The following POLD3 variants were observed in gnomAD, a reference collection of about 807,000 sequenced individuals.
POLD3 encodes DNA polymerase delta subunit 3.
In POLD3, 19 loss-of-function variants were observed where a neutral mutation model predicts 58.2. The observed-to-expected ratio is 0.33, with a 90% CI of 0.23 to 0.48. The LOEUF (loss-of-function observed/expected upper bound fraction) is 0.48, where lower values mean the gene tolerates loss of function less well. POLD3 is among the 20% of genes least tolerant of loss of function. POLD3 has a pLI of 0.99. For missense variants in POLD3, 504 were observed against 545.5 expected, an observed-to-expected ratio of 0.92 and a Z score of 0.76; for synonymous variants, 172 against 193.5, an observed-to-expected ratio of 0.89 and a Z score of 0.92.
intron 1 of POLD3, among the ~76,000 whole-genome samples, chr11:74,593,269 A>G (rs906168580): frequency 6.6e-5 from 10 of 152,178 alleles, no homozygotes; most frequent in African/African-American, 2.4e-4. Context: ...AGGCACTTTA[A>G]TCTTTACAGT....
chr11:74,654,241 AGT>A (rs2033104172), intron 4 of POLD3, among the ~76,000 whole-genome samples: 1 of 152,236 alleles, frequency 6.6e-6, no homozygotes, highest in Non-Finnish European at 1.5e-5. Context: ...GGTTAAAAGT[AGT>A]AGGACAGAAA....
At chr11:74,664,163 CAA>C (rs1269364263) in intron 4 of POLD3, among the ~76,000 whole-genome samples, 1 of 152,136 alleles carries the variant, frequency 6.6e-6, no homozygotes, top group African/African-American at 2.4e-5. Flanking sequence ...AGAATGTAAG[CAA>C]AAGTCTCATA....
intron 10 of POLD3, among the ~76,000 whole-genome samples, chr11:74,635,887 T>A (rs1007471931): frequency 7.2e-5 from 11 of 152,232 alleles, no homozygotes; most frequent in Non-Finnish European, 1.5e-5. Flanking sequence ...GTCCTTATCC[T>A]ATATGTCTTT....
chr11:74,664,756 A>G (rs1287176891), intron 4 of POLD3, among the ~76,000 whole-genome samples: 1 of 152,242 alleles, frequency 6.6e-6, no homozygotes. Flanking sequence ...AATTAATATA[A>G]TAAACCTTAT....
intron 4 of POLD3, among the ~76,000 whole-genome samples, chr11:74,664,535 T>G (rs2135201857): frequency 6.6e-6 from 1 of 152,224 alleles, no homozygotes; most frequent in East Asian, 1.9e-4. Flanking sequence ...ATTTCCCAAC[T>G]TACTCTATGA....
At chr11:74,649,083 G>C (rs558066009) in intron 4 of POLD3, among the ~76,000 whole-genome samples, 77 of 152,172 alleles carry the variant, frequency 5.1e-4, no homozygotes, top group African/African-American at 1.8e-3. Context: ...TTGGTTCCAC[G>C]GTTTCACCAA....
At chr11:74,602,100 C>CT (rs551755050) in intron 2 of POLD3, among the ~76,000 whole-genome samples, 5 of 149,712 alleles carry the variant, frequency 3.3e-5, no homozygotes, top group Middle Eastern at 3.2e-3. Flanking sequence ...CTTTGTTACA[C>CT]TTTTTTTTTT....
intron 7 of POLD3, among the ~76,000 whole-genome samples, chr11:74,623,554 G>C (rs1265568146): frequency 6.6e-6 from 1 of 152,112 alleles, no homozygotes; most frequent in African/African-American, 2.4e-5. Context: ...CTCTAAAATT[G>C]GACAGTGATG....
At chr11:74,604,570 C>A in intron 2 of POLD3, 122 bp from the exon 3 acceptor site, 1 of 631,094 alleles carries the variant, frequency 1.6e-6, no homozygotes, top group Non-Finnish European at 2.8e-6. Flanking sequence ...AGCAAAAATG[C>A]TACTGTTCAG....
chr11:74,628,310 CTT>C (rs1235749518), intron 8 of POLD3, among the ~76,000 whole-genome samples: 8 of 152,016 alleles, frequency 5.3e-5, no homozygotes, highest in African/African-American at 1.9e-4. Flanking sequence ...ACAACTTTGG[CTT>C]TGTTAATTTT....
Position 74,620,017 on chromosome 11 carries a change from G to A in POLD3, c.661G>A (p.Ala221Thr). ...TKTEAKEVTN[A>T]SAAGNKAPGK... The stretch of plus-strand genomic sequence containing the variant: ...TCATATGTGTTTTCTGTGCTTGTAG[G>A]CATCTGCAGCAGGCAACAAGGCACC... The change falls in exon 7 of 12, where the codon GCA becomes ACA. Residue 221 changes from alanine (A) to threonine (T), a missense_variant and splice_region_variant. Ala to Thr is a moderately conservative substitution (Grantham distance 58). Coordinates refer to ENST00000263681, the MANE Select transcript of POLD3 (RefSeq NM_006591.3). 6.2e-7 allele frequency: 1 copy of A among 1,613,032 alleles called. No homozygotes were observed. Among genetic ancestry groups the A allele is most frequent in the Non-Finnish European group, 8.5e-7 (1 of 1,179,036 alleles).
intron 3 of POLD3, among the ~76,000 whole-genome samples, chr11:74,606,550 A>C (rs542733588): frequency 2.0e-5 from 3 of 152,176 alleles, no homozygotes; most frequent in Non-Finnish European, 4.4e-5. Flanking sequence ...ACATTCATAA[A>C]ATTTTGAGTT....
chr11:74,592,743 CGGGCGTGCGACCGGG>C, intron 1 of POLD3, 25 bp downstream of exon 1: 2 of 1,613,402 alleles, frequency 1.2e-6, no homozygotes, highest in Non-Finnish European at 1.7e-6. Context: ...CTGGGGAACG[CGGGCGTGCGACCGGG>C]GTCCTGGGCC....
chr11:74,629,614 A>G (rs1203733794), intron 9 of POLD3, among the ~76,000 whole-genome samples: 3 of 148,956 alleles, frequency 2.0e-5, no homozygotes, highest in Non-Finnish European at 4.5e-5. Context: ...TAAGGGGAGG[A>G]TATTCCTTTA....
At position 74,641,735 on chromosome 11, in the gene POLD3, C is replaced by T. The variant is rs1289206917; in HGVS notation, c.*969C>T. 1 of 985,128 alleles carries T rather than the reference C, an allele frequency of 1.0e-6. No individual in the cohort carries two copies. The highest frequency in any genetic ancestry group is 1.2e-6 in the Non-Finnish European group (1 of 829,864). The allele number at this position is 985,128 out of a possible 1,614,324, so 61.0% of individuals were successfully genotyped here. A position where few individuals can be genotyped will look rare whatever the true frequency, so the allele number is the denominator to read the frequency against. On this transcript the variant is annotated 3_prime_UTR_variant, in exon 12 of 12. Transcript: ENST00000263681. Reference sequence around the variant, plus strand: ...AGAATATTCAAAAACAGCACTTTTCCAGGAAGTTAGTGAGGAAGATAAGGC... The same window carrying T: ...AGAATATTCAAAAACAGCACTTTTCTAGGAAGTTAGTGAGGAAGATAAGGC...
At chr11:74,651,092 G>T (rs1047491803) in intron 4 of POLD3, among the ~76,000 whole-genome samples, 1 of 152,154 alleles carries the variant, frequency 6.6e-6, no homozygotes, top group Non-Finnish European at 1.5e-5. Context: ...TCTGCTAATT[G>T]TGTATCTGTT....
chr11:74,630,664 A>G (rs938840578), intron 9 of POLD3, among the ~76,000 whole-genome samples: 2 of 152,244 alleles, frequency 1.3e-5, no homozygotes, highest in South Asian at 2.1e-4. Flanking sequence ...ATGTAGACAC[A>G]TGGGAAAATA....
chr11:74,607,248 T>TATATATATATA (rs1565114139), intron 3 of POLD3, among the ~76,000 whole-genome samples: 6 of 95,976 alleles, frequency 6.3e-5, no homozygotes, highest in South Asian at 9.8e-4. Flanking sequence ...TATTATATAT[T>TATATATATATA]TATTTATTTA....
At chr11:74,599,773 T>G (rs2031418245) in intron 2 of POLD3, among the ~76,000 whole-genome samples, 2 of 151,968 alleles carry the variant, frequency 1.3e-5, no homozygotes, top group African/African-American at 4.8e-5. Context: ...ACTGTGAAAA[T>G]GCTGTGAAAT....
Sources: gnomAD v4.1 joint callset for allele counts (sites outside exome capture counted in the v4.1 genomes callset) on GRCh38, gnomAD v4.1.1 for gene constraint, MANE v1.5 for transcripts, NCBI Gene and HGNC (gene_info 2026-07-23, HGNC 2026-07-21) for gene names.